ARHGEF37: variants seen among roughly 807,000 people sequenced by gnomAD.
The protein encoded by ARHGEF37 is Rho guanine nucleotide exchange factor 37.
Under a neutral mutation model 71.1 loss-of-function variants are expected in ARHGEF37, and 55 were observed. That is an observed-to-expected ratio of 0.77 (90% CI 0.62 to 0.97). The LOEUF (loss-of-function observed/expected upper bound fraction) is 0.97. Ranked by LOEUF, ARHGEF37 falls within the 50% of genes least tolerant of loss-of-function variation. ARHGEF37 has a pLI of 0.00. For synonymous variants in ARHGEF37, 327 were observed against 350.6 expected (o/e 0.93, Z 0.75); for missense variants, 765 against 836.8 (o/e 0.91, Z 1.06).
intron 3 of ARHGEF37, among the ~76,000 whole-genome samples, chr5:149,604,676 A>ATTTTT (rs528100482): frequency 4.4e-5 from 4 of 91,694 alleles, no homozygotes; most frequent in African/African-American, 1.3e-4. Flanking sequence ...CAGCAACACC[A>ATTTTT]TTTTTTTTTT....
intron 1 of ARHGEF37, among the ~76,000 whole-genome samples, chr5:149,566,008 C>G (rs1481039464): frequency 6.6e-6 from 1 of 150,886 alleles, no homozygotes; most frequent in Non-Finnish European, 1.5e-5. Flanking sequence ...TGCCACCACG[C>G]CTGGCTTTTT....
upstream of ARHGEF37, among the ~76,000 whole-genome samples, chr5:149,578,794 G>A (rs560146365): frequency 1.9e-4 from 29 of 152,254 alleles, no homozygotes; most frequent in Non-Finnish European, 3.4e-4. Context: ...TCCTTTGTTA[G>A]AGGTTTCCAG....
chr5:149,612,323 A>G (rs982176777), intron 4 of ARHGEF37, among the ~76,000 whole-genome samples: 13 of 152,024 alleles, frequency 8.6e-5, no homozygotes, highest in Non-Finnish European at 1.3e-4. Context: ...GCCGGCCACC[A>G]CGCCCGGCTA....
chr5:149,577,902 G>C (rs1019153183), upstream of ARHGEF37, among the ~76,000 whole-genome samples: 8 of 152,236 alleles, frequency 5.3e-5, no homozygotes, highest in African/African-American at 1.9e-4. Context: ...AAGAGAAGCA[G>C]GCAATGTGTA....
Position 149,629,970 on chromosome 5 carries a change from A to G in ARHGEF37, c.1818+1004A>G, listed in dbSNP as rs139594630. Among the ~76,000 whole-genome samples, 120 of 143,060 alleles carry G rather than the reference A, an allele frequency of 8.4e-4. 1 individual carries two copies. The East Asian group carries it at 0.011, about 14-fold the overall frequency. 93.9% of individuals were successfully genotyped at this position (143,060 alleles called of 152,430 possible). A position where few individuals can be genotyped will look rare whatever the true frequency, so the allele number is the denominator to read the frequency against. ...GGCCACATAGGATTCCATTATGTGG[A>G]TGTCCAGAATGGGCAAATCCGTAGA... On this transcript the variant is annotated intron_variant, in intron 12 of 12. Coordinates refer to ENST00000333677, the MANE Select transcript of ARHGEF37 (RefSeq NM_001001669.3).
intron 10 of ARHGEF37, among the ~76,000 whole-genome samples, chr5:149,624,658 A>C (rs1171380419): frequency 7.0e-6 from 1 of 143,872 alleles, no homozygotes; most frequent in African/African-American, 2.6e-5. Context: ...CCTCCCAGCT[A>C]CTTGGGAGGC....
intron 1 of ARHGEF37, among the ~76,000 whole-genome samples, chr5:149,586,427 TTTTC>T (rs1763239817): frequency 6.6e-6 from 1 of 151,176 alleles, no homozygotes; most frequent in African/African-American, 2.5e-5. Context: ...CCTGGCTAAT[TTTTC>T]TTTTAATTTT....
At chr5:149,563,955 T>TC in intron 1 of ARHGEF37, among the ~76,000 whole-genome samples, 1 of 143,458 alleles carries the variant, frequency 7.0e-6, no homozygotes, top group East Asian at 2.0e-4. Context: ...AATTTTTTTT[T>TC]TTTTTTTTTT....
intron 1 of ARHGEF37, among the ~76,000 whole-genome samples, chr5:149,583,926 A>G (rs1037290042): frequency 6.6e-6 from 1 of 152,032 alleles, no homozygotes; most frequent in African/African-American, 2.4e-5. Context: ...ACACCTGGCT[A>G]ATTTTTTACT....
At chr5:149,587,953 G>A (rs2125131) in intron 1 of ARHGEF37, among the ~76,000 whole-genome samples, 40,235 of 147,084 alleles carry the variant, frequency 0.27, 6,108 homozygotes, top group African/African-American at 0.41. Context: ...CTGGAGTGCA[G>A]TGGCATGATC....
chr5:149,603,829 A>C (rs949184075), intron 3 of ARHGEF37, among the ~76,000 whole-genome samples: 3 of 152,202 alleles, frequency 2.0e-5, no homozygotes, highest in African/African-American at 4.8e-5. Context: ...CCAGCTATGC[A>C]GGAGTCTGAG....
intron 1 of ARHGEF37, among the ~76,000 whole-genome samples, chr5:149,575,878 G>GC (rs1763022192): frequency 1.3e-5 from 2 of 150,180 alleles, no homozygotes; most frequent in Non-Finnish European, 3.0e-5. Context: ...ACCCCCTGCC[G>GC]TCCCCCCCCT....
intron 12 of ARHGEF37, among the ~76,000 whole-genome samples, chr5:149,630,814 G>A (rs147387905): frequency 1.6e-3 from 243 of 152,310 alleles, no homozygotes; most frequent in African/African-American, 5.6e-3. Flanking sequence ...GGACTTGCCC[G>A]GGATCATCCC....
rs1239512077 is a variant in ARHGEF37 at position 149,633,354 on chromosome 5, C to T, written c.*1163C>T. On this transcript the variant is annotated 3_prime_UTR_variant, in exon 13 of 13. Coordinates refer to ENST00000333677, the MANE Select transcript of ARHGEF37 (RefSeq NM_001001669.3). ...GCCTGTGGCAGCAAACCTTGTTCAT[C>T]AGTATAGCTTTCTTTCCTGTAACCC... 1 of 152,342 alleles carries T rather than the reference C, an allele frequency of 6.6e-6. No homozygotes were observed. Among genetic ancestry groups the T allele is most frequent in the Non-Finnish European group, 1.5e-5 (1 of 68,096 alleles). 9.4% of individuals were successfully genotyped at this position (152,342 alleles called of 1,614,324 possible).
At chr5:149,616,177 G>A (rs993491109) in intron 4 of ARHGEF37, among the ~76,000 whole-genome samples, 3 of 152,244 alleles carry the variant, frequency 2.0e-5, no homozygotes, top group Middle Eastern at 3.4e-3. Context: ...CTCCGGCATT[G>A]GAGAGAGGCC....
chr5:149,617,557 C>T (rs1333082825), intron 5 of ARHGEF37, among the ~76,000 whole-genome samples: 1 of 152,222 alleles, frequency 6.6e-6, no homozygotes, highest in Admixed American at 6.5e-5. Flanking sequence ...TTTGCACTAA[C>T]CCTCTGAGGT....
chr5:149,622,419 G>A (rs1426837514), intron 9 of ARHGEF37, among the ~76,000 whole-genome samples: 1 of 152,220 alleles, frequency 6.6e-6, no homozygotes, highest in African/African-American at 2.4e-5. Context: ...ACAGTAAGGA[G>A]TAAATGTCTC....
intron 1 of ARHGEF37, among the ~76,000 whole-genome samples, chr5:149,558,910 T>G (rs926115913): frequency 3.9e-5 from 6 of 152,128 alleles, no homozygotes; most frequent in Admixed American, 2.0e-4. Context: ...TGCATATGTA[T>G]ATATGTGTAT....
chr5:149,610,134 A>C (rs1484074256), intron 4 of ARHGEF37, among the ~76,000 whole-genome samples: 1 of 152,224 alleles, frequency 6.6e-6, no homozygotes, highest in East Asian at 1.9e-4. Context: ...AACAGCCAGG[A>C]GGCAGGGCAT....
Sources: gnomAD v4.1 joint callset for allele counts (sites outside exome capture counted in the v4.1 genomes callset) on GRCh38, gnomAD v4.1.1 for gene constraint, MANE v1.5 for transcripts, NCBI Gene and HGNC (gene_info 2026-07-23, HGNC 2026-07-21) for gene names.